HECTD4: variants seen among roughly 807,000 people sequenced by gnomAD.
HECTD4 encodes probable E3 ubiquitin-protein ligase HECTD4.
HECTD4 carries 114 observed loss-of-function variants against 471.5 expected under a neutral mutation model. That is an observed-to-expected ratio of 0.24 (90% CI 0.21 to 0.28). The LOEUF is 0.28. Ranked by LOEUF, HECTD4 falls within the 10% of genes least tolerant of loss-of-function variation. The probability of loss-of-function intolerance (pLI) is 1.00; values close to 1 mark genes in which losing one functional copy is unlikely to be tolerated. For missense variants in HECTD4, 3,866 were observed against 5,651.5 expected, an observed-to-expected ratio of 0.68 and a Z score of 10.13; for synonymous variants, 2,012 against 2,256.0, an observed-to-expected ratio of 0.89 and a Z score of 3.07.
At chr12:112,208,720 T>C (rs1162508068) in intron 50 of HECTD4, 90 bp from the exon 51 acceptor site, 2 of 1,197,920 alleles carry the variant, frequency 1.7e-6, no homozygotes, top group Non-Finnish European at 2.3e-6. Context: ...CAGATTATCT[T>C]AATTTGCATG....
chr12:112,167,884 C>G lies in HECTD4; in HGVS notation c.12242G>C (p.Cys4081Ser). 6.2e-7 allele frequency: 1 copy of G among 1,613,508 alleles called. No individual in the cohort carries two copies. The highest frequency in any genetic ancestry group is 8.5e-7 in the Non-Finnish European group (1 of 1,179,884). The change falls in exon 71 of 76, where the codon TGT becomes TCT. Residue 4081 changes from cysteine to serine, a missense_variant. By Grantham distance (112) the Cys-to-Ser change is moderately radical. Transcript: ENST00000682272. ...GSFRHFLWQVCKELQSSSLSL... is the reference protein window; with the variant it reads ...GSFRHFLWQVSKELQSSSLSL... ...CAGCGAGGAACTCTGCAGCTCCTTA[C>G]ACACCTGCCACAGGAAGTGGCGGAA...
rs551131750 is a variant in HECTD4 at position 112,298,191 on chromosome 12, C to A, written c.1335+7873G>T. On this transcript the variant is annotated intron_variant, in intron 7 of 75. Transcript: ENST00000682272. ...AATAGGGAGCCAAAAAAATAGAGTG[C>A]CTTGAGGTGGGCACGAATCAGGAGA... Among the ~76,000 whole-genome samples the A allele has an allele frequency of 4.0e-3, 605 of 152,188 alleles. 4 individuals carry two copies. The highest frequency in any genetic ancestry group is 7.1e-3 in the Non-Finnish European group (485 of 67,990).
intron 19 of HECTD4, 24 bp from the exon 20 acceptor site, chr12:112,258,620 G>A: frequency 6.4e-7 from 1 of 1,563,692 alleles, no homozygotes; most frequent in Admixed American, 1.9e-5. Context: ...CCATCATTAT[G>A]TCTTCCAGGG....
chr12:112,367,201 C>T (rs1472421051), intron 1 of HECTD4, among the ~76,000 whole-genome samples: 1 of 150,234 alleles, frequency 6.7e-6, no homozygotes, highest in Non-Finnish European at 1.5e-5. Context: ...TCTTGGGAGG[C>T]TGAGGCAGAA....
chr12:112,362,218 G>A (rs779949945), intron 1 of HECTD4, among the ~76,000 whole-genome samples: 8 of 152,168 alleles, frequency 5.3e-5, no homozygotes, highest in Non-Finnish European at 7.3e-5. Flanking sequence ...AAAGATTTCC[G>A]TTTCAGTTGT....
At chr12:112,198,169 C>T (rs1488706341) in intron 55 of HECTD4, among the ~76,000 whole-genome samples, 1 of 152,192 alleles carries the variant, frequency 6.6e-6, no homozygotes, top group African/African-American at 2.4e-5. Context: ...AGCAAAATAA[C>T]AGCAGTAAAA....
At chr12:112,204,037 C>G (rs2032504904) in intron 53 of HECTD4, among the ~76,000 whole-genome samples, 1 of 152,124 alleles carries the variant, frequency 6.6e-6, no homozygotes, top group African/African-American at 2.4e-5. Context: ...TTAAAATGGG[C>G]AAAGAATTTT....
chr12:112,254,503 C>T lies in HECTD4; in HGVS notation c.3328-341G>A, dbSNP rs143501588. Among the ~76,000 whole-genome samples the T allele has an allele frequency of 9.2e-5, 14 of 152,202 alleles. 1 individual carries two copies. In the Middle Eastern group the frequency reaches 0.014, roughly 148 times the overall value. Reference sequence around the variant, plus strand: ...TATTTTTGAAATAGCTATTTTAATGCTAATTAATAACAAATAACTCATTAA... The same window carrying T: ...TATTTTTGAAATAGCTATTTTAATGTTAATTAATAACAAATAACTCATTAA... On this transcript the variant is annotated intron_variant, in intron 21 of 75. Coordinates refer to ENST00000682272, the MANE Select transcript of HECTD4 (RefSeq NM_001388303.1).
In HECTD4 at chr12:112,208,615, G is replaced by A. The variant is rs1490710945; in HGVS notation, c.7883C>T (p.Thr2628Ile). The A allele has an allele frequency of 6.3e-7, 1 of 1,595,894 alleles. No individual in the cohort carries two copies. The highest frequency in any genetic ancestry group is 8.5e-7 in the Non-Finnish European group (1 of 1,173,204). Residue 2628 changes from threonine (T) to isoleucine (I), a missense_variant, in exon 51 of 76, where the codon ACC becomes ATC. This residue lies in a region of HECTD4 where 266 missense variants were observed against 441.6 expected (regional missense o/e 0.60). Transcript: ENST00000682272. ...GAGCTCGACTTTATAATGACAGGAG[G>A]TGTCACTATCATATTCTGTAACAGA... ...ATAQQQYDSD[T>I]SCHYKVELSY... is the part of the protein sequence containing the mutation.
intron 44 of HECTD4, among the ~76,000 whole-genome samples, chr12:112,226,018 G>A (rs1265162090): frequency 6.6e-6 from 1 of 152,130 alleles, no homozygotes; most frequent in Non-Finnish European, 1.5e-5. Context: ...ATTTTTCAGA[G>A]ACGTAAACTA....
Position 112,308,441 on chromosome 12 carries a change from A to G in HECTD4, c.1164+312T>C, listed in dbSNP as rs927461615. ...AGATCTGGTTCAAAAAAAGCAAAAAAAAAAACAAAAACAAAACAAAAAAAA... is the reference window on the plus strand; with the variant it reads ...AGATCTGGTTCAAAAAAAGCAAAAAGAAAAACAAAAACAAAACAAAAAAAA... On this transcript the variant is annotated intron_variant, in intron 6 of 75. Coordinates refer to ENST00000682272, the MANE Select transcript of HECTD4 (RefSeq NM_001388303.1). Among the ~76,000 whole-genome samples, 3 of 148,466 alleles carry G rather than the reference A, an allele frequency of 2.0e-5. No individual in the cohort carries two copies. In the Admixed American group the frequency reaches 2.1e-4, roughly 10 times the overall value.
chr12:112,185,004 T>A lies in HECTD4; in HGVS notation c.9962A>T (p.Lys3321Met). ...CTGGCGCTTGCCCGACGAGGAGGCC[T>A]TTTCCCGCTTCATCTTGACTTTTTT... ...KRKKVKMKRE[K>M]ASSSGKRQSS... Residue 3321 changes from lysine (K) to methionine (M), a missense_variant, in exon 61 of 76, where the codon AAG becomes ATG. Around this residue, in one of 16 missense-constraint regions of HECTD4, gnomAD observed 57 missense variants for 49.8 expected, o/e 1.14. Transcript: ENST00000682272. 5 of 1,607,650 alleles carry A rather than the reference T, an allele frequency of 3.1e-6. No individual in the cohort carries two copies. The highest frequency in any genetic ancestry group is 4.2e-6 in the Non-Finnish European group (5 of 1,177,150).
intron 18 of HECTD4, among the ~76,000 whole-genome samples, chr12:112,260,601 G>T (rs2034122947): frequency 6.6e-6 from 1 of 150,542 alleles, no homozygotes; most frequent in Admixed American, 6.6e-5. Flanking sequence ...TTTTGAGACA[G>T]AGTCTCGCTC....
At chr12:112,186,162 T>C (rs2031854304) in intron 60 of HECTD4, among the ~76,000 whole-genome samples, 2 of 151,860 alleles carry the variant, frequency 1.3e-5, no homozygotes, top group South Asian at 4.2e-4. Context: ...TATTTTTCTT[T>C]TGCAGAGACA....
At chr12:112,332,450 T>C (rs2035860267) in intron 1 of HECTD4, among the ~76,000 whole-genome samples, 1 of 150,872 alleles carries the variant, frequency 6.6e-6, no homozygotes, top group Non-Finnish European at 1.5e-5. Context: ...GGCAGGATAA[T>C]TGATCGCTTG....
intron 7 of HECTD4, among the ~76,000 whole-genome samples, chr12:112,297,874 GAAGTT>G (rs1360633052): frequency 6.6e-5 from 10 of 152,268 alleles, no homozygotes; most frequent in South Asian, 6.2e-4. Flanking sequence ...GATCAACTAA[GAAGTT>G]AAGACAGTTG....
chr12:112,212,620 G>A lies in HECTD4; in HGVS notation c.7496C>T (p.Thr2499Ile), dbSNP rs770264585. The A allele has an allele frequency of 4.3e-6, 7 of 1,613,456 alleles. No homozygotes were observed. Among genetic ancestry groups the A allele is most frequent in the Non-Finnish European group, 5.9e-6 (7 of 1,179,770 alleles). Reference protein sequence around the residue: ...GDVAGIGWERTEGTPPPPGQP... With the variant: ...GDVAGIGWERIEGTPPPPGQP... ...TCCCGGAGGAGGTGGAGTCCCCTCA[G>A]TTCTCTCCCAGCCAATTCCTGCCAC... Residue 2499 changes from threonine (T) to isoleucine (I), a missense_variant, in exon 49 of 76, where the codon ACT (threonine) becomes ATT (isoleucine). This residue lies in a region of HECTD4 where 617 missense variants were observed against 915.1 expected (regional missense o/e 0.67). Coordinates refer to ENST00000682272, the MANE Select transcript of HECTD4 (RefSeq NM_001388303.1).
chr12:112,181,258 A>G (rs944758928), intron 62 of HECTD4, among the ~76,000 whole-genome samples: 2 of 152,188 alleles, frequency 1.3e-5, no homozygotes, highest in Admixed American at 6.5e-5. Context: ...GAGGAAGAGA[A>G]AAAGATCAGT....
intron 67 of HECTD4, 46 bp downstream of exon 67, chr12:112,172,625 G>T: frequency 1.3e-6 from 2 of 1,578,130 alleles, no homozygotes; most frequent in Non-Finnish European, 8.7e-7. Flanking sequence ...CATGGGGCAT[G>T]CCCGCATCAG....
Sources: allele counts gnomAD v4.1 joint callset (sites outside exome capture counted in the v4.1 genomes callset), GRCh38; gene constraint gnomAD v4.1.1; regional missense constraint gnomAD v4.1.1; transcripts MANE v1.5; gene names NCBI Gene and HGNC (gene_info 2026-07-23, HGNC 2026-07-21).